The following GRID2 variants were observed in gnomAD, a reference collection of about 807,000 sequenced individuals.
The protein encoded by GRID2 is glutamate receptor ionotropic, delta-2.
GRID2 carries 33 observed loss-of-function variants against 114.8 expected under a neutral mutation model. The ratio of observed to expected loss-of-function variants is 0.29; its 90% CI spans 0.22 to 0.38. The LOEUF is 0.38. GRID2 is among the 10% of genes least tolerant of loss of function. GRID2 has a pLI of 1.00. For missense variants in GRID2, 1,184 were observed against 1,257.7 expected, an observed-to-expected ratio of 0.94 and a Z score of 0.89; for synonymous variants, 505 against 449.9, an observed-to-expected ratio of 1.12 and a Z score of -1.55.
intron 1 of GRID2, among the ~76,000 whole-genome samples, chr4:93,795,504 T>G (rs1005362473): frequency 6.6e-6 from 1 of 152,128 alleles, no homozygotes; most frequent in African/African-American, 2.4e-5. Flanking sequence ...GGTCCTTCAA[T>G]TTAAACTTAA....
chr4:93,544,735 C>T (rs1157106018), intron 13 of GRID2, among the ~76,000 whole-genome samples: 1 of 149,602 alleles, frequency 6.7e-6, no homozygotes, highest in Non-Finnish European at 1.5e-5. Flanking sequence ...CGAGATCACA[C>T]CATTGCACTT....
intron 1 of GRID2, among the ~76,000 whole-genome samples, chr4:92,535,238 TATA>T (rs1413715264): frequency 6.6e-6 from 1 of 152,182 alleles, no homozygotes; most frequent in Non-Finnish European, 1.5e-5. Flanking sequence ...AGAGGTGTTT[TATA>T]ATTAAGTAAT....
chr4:92,883,101 T>C (rs762877905), intron 2 of GRID2, among the ~76,000 whole-genome samples: 5 of 152,244 alleles, frequency 3.3e-5, no homozygotes, highest in Admixed American at 2.0e-4. Flanking sequence ...CAGTCAGTCC[T>C]CTCAAACTCC....
At chr4:93,596,076 T>A (rs1362839144) in intron 13 of GRID2, among the ~76,000 whole-genome samples, 5 of 152,230 alleles carry the variant, frequency 3.3e-5, no homozygotes, top group Non-Finnish European at 2.9e-5. Flanking sequence ...GAGATCTATA[T>A]GTAAAGGCTA....
intron 2 of GRID2, among the ~76,000 whole-genome samples, chr4:92,749,117 C>A (rs1353529188): frequency 2.0e-5 from 3 of 149,818 alleles, no homozygotes. Context: ...CCTAAGCCGC[C>A]TGAGTAGCTG....
At chr4:92,608,594 T>A (rs1001958161) in intron 2 of GRID2, among the ~76,000 whole-genome samples, 1 of 151,860 alleles carries the variant, frequency 6.6e-6, no homozygotes, top group Non-Finnish European at 1.5e-5. Context: ...TTTGGCATTG[T>A]GTGCTATAAC....
chr4:93,766,554 C>A (rs976248179), intron 14 of GRID2, among the ~76,000 whole-genome samples: 1 of 152,122 alleles, frequency 6.6e-6, no homozygotes, highest in Admixed American at 6.5e-5. Flanking sequence ...GGCTACTGAC[C>A]AATATGGTGT....
chr4:93,671,464 G>A (rs2110066891), intron 14 of GRID2, among the ~76,000 whole-genome samples: 1 of 152,212 alleles, frequency 6.6e-6, no homozygotes, highest in South Asian at 2.1e-4. Flanking sequence ...ATCCCACACT[G>A]GGAGTACCTG....
At position 92,607,903 on chromosome 4, in the gene GRID2, T is replaced by C. The variant is rs936480232; in HGVS notation, c.244+17617T>C. Among the ~76,000 whole-genome samples, 3 of 151,760 alleles carry C rather than the reference T, an allele frequency of 2.0e-5. No individual in the cohort carries two copies. The Admixed American group carries it at 2.0e-4, about 10-fold the overall frequency. ...CGTAAACAATAGGATAACAAGGCAA[T>C]ATGTGTAAGTTCTGTGAAGGAGAAA... is the stretch of plus-strand genomic sequence containing the variant. On this transcript the variant is annotated intron_variant, in intron 2 of 15. Transcript: ENST00000282020.
intron 2 of GRID2, among the ~76,000 whole-genome samples, chr4:92,768,532 G>A (rs1023790961): frequency 5.9e-5 from 9 of 152,110 alleles, no homozygotes; most frequent in Non-Finnish European, 1.2e-4. Flanking sequence ...TTATAGCAGT[G>A]GGCATTATCC....
chr4:93,404,896 G>T (rs368124808), intron 9 of GRID2, among the ~76,000 whole-genome samples: 1 of 152,068 alleles, frequency 6.6e-6, no homozygotes, highest in South Asian at 2.1e-4. Context: ...ATTTTCTGAA[G>T]TATATGAAAT....
chr4:93,040,821 A>C (rs867248833), intron 2 of GRID2, among the ~76,000 whole-genome samples: 45 of 152,106 alleles, frequency 3.0e-4, no homozygotes, highest in Non-Finnish European at 2.9e-5. Context: ...ATCTGTTATA[A>C]AATTTTAAGA....
intron 14 of GRID2, among the ~76,000 whole-genome samples, chr4:93,658,280 A>G: frequency 6.6e-6 from 1 of 152,236 alleles, no homozygotes; most frequent in East Asian, 1.9e-4. Context: ...TTTCAAAAAT[A>G]GACAAAGATA....
At chr4:92,734,016 T>C (rs1736463389) in intron 2 of GRID2, among the ~76,000 whole-genome samples, 1 of 152,088 alleles carries the variant, frequency 6.6e-6, no homozygotes, top group African/African-American at 2.4e-5. Flanking sequence ...AGAAGCTCCA[T>C]CCTAAACTTG....
At chr4:93,062,361 TA>T (rs1478138776) in intron 2 of GRID2, among the ~76,000 whole-genome samples, 1 of 152,120 alleles carries the variant, frequency 6.6e-6, no homozygotes, top group Non-Finnish European at 1.5e-5. Flanking sequence ...GGAAGAGAAG[TA>T]ATCTAGCAAT....
chr4:93,290,484 A>G (rs1259203350), intron 8 of GRID2, among the ~76,000 whole-genome samples: 1 of 152,202 alleles, frequency 6.6e-6, no homozygotes, highest in Admixed American at 6.5e-5. Context: ...TCAGGTGATG[A>G]CATCAAGTGA....
At chr4:92,536,927 G>A (rs912877729) in intron 1 of GRID2, among the ~76,000 whole-genome samples, 2 of 152,080 alleles carry the variant, frequency 1.3e-5, no homozygotes, top group Admixed American at 1.3e-4. Context: ...ATTAGCCAGT[G>A]CCTTATATAA....
At chr4:93,075,023 T>C (rs1229489839) in intron 2 of GRID2, among the ~76,000 whole-genome samples, 1 of 152,190 alleles carries the variant, frequency 6.6e-6, no homozygotes, top group African/African-American at 2.4e-5. Flanking sequence ...ACTGGTGAGT[T>C]CTACCAGACT....
rs532916941 is a variant in GRID2, at chr4:93,588,713, C to A, written c.2194-37556C>A. On this transcript the variant is annotated intron_variant, in intron 13 of 15. Transcript: ENST00000282020. ...GCAGATGGGTAAACTAAGTCTGAGC[C>A]CTGCCCCTTCTCCCAGTACTGGTCC... is the stretch of plus-strand genomic sequence containing the variant. Among the ~76,000 whole-genome samples, 469 of 152,266 alleles carry A rather than the reference C, an allele frequency of 3.1e-3. 3 individuals carry two copies. Among genetic ancestry groups the A allele is most frequent in the African/African-American group, 0.01 (424 of 41,542 alleles).
Sources: allele counts gnomAD v4.1 joint callset (sites outside exome capture counted in the v4.1 genomes callset), GRCh38; gene constraint gnomAD v4.1.1; transcripts MANE v1.5; gene names NCBI Gene and HGNC (gene_info 2026-07-23, HGNC 2026-07-21).